Variants in SIK3 observed in about 807,000 individuals in gnomAD.
The protein encoded by SIK3 is SIK family kinase 3.
A neutral mutation model predicts 144.2 loss-of-function variants in SIK3; 28 were observed. That is an observed-to-expected ratio of 0.19 (90% CI 0.14 to 0.27). The LOEUF (loss-of-function observed/expected upper bound fraction) is 0.27. Ranked by LOEUF, SIK3 falls within the 10% of genes least tolerant of loss-of-function variation. SIK3 has a pLI of 1.00. For synonymous variants in SIK3, 686 were observed against 676.3 expected (o/e 1.01, Z -0.22); for missense variants, 1,319 against 1,776.0 (o/e 0.74, Z 4.62).
intron 1 of SIK3, among the ~76,000 whole-genome samples, chr11:117,034,057 T>C (rs1952385751): frequency 6.6e-6 from 1 of 152,060 alleles, no homozygotes. Context: ...TGTATCATTC[T>C]GGGGGAGAAA....
intron 6 of SIK3, among the ~76,000 whole-genome samples, chr11:116,892,135 AC>A (rs965968143): frequency 6.6e-6 from 1 of 152,230 alleles, no homozygotes; most frequent in Non-Finnish European, 1.5e-5. Flanking sequence ...GAGGTCTGGG[AC>A]AAAAAGTTAA....
chr11:117,028,827 G>A (rs762059875), intron 1 of SIK3, among the ~76,000 whole-genome samples: 3 of 152,162 alleles, frequency 2.0e-5, no homozygotes, highest in Non-Finnish European at 2.9e-5. Context: ...TTTTACAGGA[G>A]ACAGAAGACA....
intron 1 of SIK3, among the ~76,000 whole-genome samples, chr11:117,081,500 T>C (rs1954784524): frequency 6.6e-6 from 1 of 152,162 alleles, no homozygotes; most frequent in Non-Finnish European, 1.5e-5. Context: ...GGCAGGTACC[T>C]GTAGTCCCAG....
chr11:117,085,365 G>A (rs1261262772), intron 1 of SIK3, among the ~76,000 whole-genome samples: 1 of 152,098 alleles, frequency 6.6e-6, no homozygotes, highest in African/African-American at 2.4e-5. Flanking sequence ...AGCCTCAAGC[G>A]ATCCACCTAC....
At chr11:116,962,417 A>T (rs1340353103) in intron 1 of SIK3, among the ~76,000 whole-genome samples, 1 of 152,372 alleles carries the variant, frequency 6.6e-6, no homozygotes. Flanking sequence ...GCTTTTTAGA[A>T]GGAAAGAGAA....
At chr11:117,056,953 G>A (rs1183930720) in intron 1 of SIK3, among the ~76,000 whole-genome samples, 5 of 152,118 alleles carry the variant, frequency 3.3e-5, no homozygotes, top group Admixed American at 6.5e-5. Flanking sequence ...AGGTCAATAC[G>A]CTGACATGAA....
chr11:116,896,553 C>T (rs1465953755), intron 5 of SIK3, among the ~76,000 whole-genome samples, 177 bp from the exon 6 acceptor site: 1 of 152,214 alleles, frequency 6.6e-6, no homozygotes, highest in Non-Finnish European at 1.5e-5. Context: ...TTTAGGGTAA[C>T]ATCCTGAATT....
At chr11:116,897,820 T>C (rs138020416) in intron 4 of SIK3, among the ~76,000 whole-genome samples, 8,922 of 151,822 alleles carry the variant, frequency 0.059, 865 homozygotes, top group African/African-American at 0.21. Context: ...GAGGCAGAGA[T>C]TACAGGGAGC....
At chr11:116,961,578 T>C (rs1043174750) in intron 1 of SIK3, among the ~76,000 whole-genome samples, 4 of 152,186 alleles carry the variant, frequency 2.6e-5, no homozygotes, top group Non-Finnish European at 4.4e-5. Context: ...TCTCAAAGAA[T>C]GTTATTATAT....
chr11:116,878,389 T>G (rs1205690971), intron 6 of SIK3, among the ~76,000 whole-genome samples: 3 of 151,786 alleles, frequency 2.0e-5, no homozygotes, highest in African/African-American at 2.4e-5. Context: ...CCCTTTTTTT[T>G]TTTTTTTTAC....
rs1315664778 is a variant in SIK3 at position 117,023,614 on chromosome 11, AAAAAAAAATATAT to A, written c.274-66563_274-66551del. On this transcript the variant is annotated intron_variant, in intron 1 of 24. Coordinates refer to ENST00000445177, the MANE Select transcript of SIK3 (RefSeq NM_001366686.3). ...CAAACAAACAAACAAACAAACAAAAAAAAAAAAATATATATATATATATATATATATTGCACAC... is the reference window on the plus strand; with the variant it reads ...CAAACAAACAAACAAACAAACAAAAAATATATATATATATATATTGCACAC... 1.1e-4 allele frequency among the ~76,000 whole-genome samples: 12 copies of A among 106,802 alleles called. 1 individual carries two copies. The highest frequency in any genetic ancestry group is 5.9e-4 in the African/African-American group (12 of 20,264). 70.1% of individuals were successfully genotyped at this position (106,802 alleles called of 152,430 possible).
chr11:116,909,782 G>A (rs770625697), intron 4 of SIK3, among the ~76,000 whole-genome samples: 16 of 152,280 alleles, frequency 1.1e-4, no homozygotes, highest in Non-Finnish European at 1.9e-4. Flanking sequence ...AGAACAGAGA[G>A]GGTGGGAGAA....
chr11:116,997,249 G>A (rs973968327), intron 1 of SIK3, among the ~76,000 whole-genome samples: 6 of 152,212 alleles, frequency 3.9e-5, no homozygotes, highest in African/African-American at 2.4e-5. Context: ...AAGCAGGTGT[G>A]CTGAGCAAAA....
intron 1 of SIK3, among the ~76,000 whole-genome samples, chr11:117,088,243 T>C (rs1955101190): frequency 6.6e-6 from 1 of 151,882 alleles, no homozygotes; most frequent in Admixed American, 6.6e-5. Context: ...ATCTCAAAAA[T>C]ATAAAAACAA....
At chr11:116,930,137 T>C (rs1947520191) in intron 3 of SIK3, among the ~76,000 whole-genome samples, 1 of 152,160 alleles carries the variant, frequency 6.6e-6, no homozygotes, top group Non-Finnish European at 1.5e-5. Context: ...CCATTGTGTT[T>C]AGGGTTCAAG....
intron 3 of SIK3, among the ~76,000 whole-genome samples, chr11:116,932,439 T>C (rs540042612): frequency 1.3e-5 from 2 of 152,348 alleles, no homozygotes; most frequent in African/African-American, 4.8e-5. Flanking sequence ...TATAGTTCTA[T>C]GTCACTTTAT....
Position 116,877,011 on chromosome 11 carries a change from C to T in SIK3, c.897G>A (p.Val299=). Residue 299 remains valine (V), a synonymous_variant, in exon 7 of 25, where the codon GTG becomes GTA. Coordinates refer to ENST00000445177, the MANE Select transcript of SIK3 (RefSeq NM_001366686.3). ...ECEHLIRHML[V]LDPNKRLSME... ...TGGAGAGGCGCTTATTGGGATCTAA[C>T]ACCAACATATGGCGGATCAAATGCT... 6.2e-7 allele frequency: 1 copy of T among 1,614,194 alleles called. No homozygotes were observed. The highest frequency in any genetic ancestry group is 8.5e-7 in the Non-Finnish European group (1 of 1,180,036).
intron 1 of SIK3, among the ~76,000 whole-genome samples, chr11:117,076,529 C>A (rs1954544441): frequency 6.6e-6 from 1 of 151,512 alleles, no homozygotes; most frequent in Non-Finnish European, 1.5e-5. Flanking sequence ...GCCTTAAACA[C>A]AATTTTTTTT....
Position 116,846,664 on chromosome 11 carries a change from A to C in SIK3, c.3953-111T>G. Reference sequence around the variant, plus strand: ...AACCTGTCGAGCATCCCACAGCCTGACTCCCAGCCCTGAATTCTAGCTCAC... The same window carrying C: ...AACCTGTCGAGCATCCCACAGCCTGCCTCCCAGCCCTGAATTCTAGCTCAC... On this transcript the variant is annotated intron_variant, in intron 23 of 24. Coordinates refer to ENST00000445177, the MANE Select transcript of SIK3 (RefSeq NM_001366686.3). This position sits in a 1 kb window ranked among gnomAD's most constrained non-coding sequence, Gnocchi z 4.1. 1 of 1,234,650 alleles carries C rather than the reference A, an allele frequency of 8.1e-7. No homozygotes were observed. The highest frequency in any genetic ancestry group is 1.1e-6 in the Non-Finnish European group (1 of 878,892). The allele number at this position is 1,234,650 out of a possible 1,614,324, so 76.5% of individuals were successfully genotyped here. A position where few individuals can be genotyped will look rare whatever the true frequency, so the allele number is the denominator to read the frequency against.
Sources: gnomAD v4.1 joint callset for allele counts (sites outside exome capture counted in the v4.1 genomes callset) on GRCh38, gnomAD v4.1.1 for gene constraint, Gnocchi (gnomAD v3.1) non-coding constraint, MANE v1.5 for transcripts, NCBI Gene and HGNC (gene_info 2026-07-23, HGNC 2026-07-21) for gene names.